CLDN14: variants seen among roughly 807,000 people sequenced by gnomAD.
The protein encoded by CLDN14 is claudin 14.
Under a neutral mutation model 2.1 loss-of-function variants are expected in CLDN14, and 2 were observed. The observed-to-expected ratio is 0.96, with a 90% CI of 0.39 to 3.01. The LOEUF (loss-of-function observed/expected upper bound fraction) is 3.01, where lower values mean the gene tolerates loss of function less well. Ranked by LOEUF, CLDN14 falls within the 30% of genes most tolerant of loss-of-function variation. CLDN14 has a pLI of 0.09. For synonymous variants in CLDN14, 136 were observed against 154.4 expected, an observed-to-expected ratio of 0.88 and a Z score of 0.88; for missense variants, 298 against 328.0, an observed-to-expected ratio of 0.91 and a Z score of 0.71.
At chr21:36,567,004 A>C (rs984492152) in intron 1 of CLDN14, among the ~76,000 whole-genome samples, 3 of 152,210 alleles carry the variant, frequency 2.0e-5, no homozygotes, top group African/African-American at 7.2e-5. Flanking sequence ...GGAAAAGGCA[A>C]ACATGAAAGA....
rs1015266118 is a variant in CLDN14 at position 36,568,167 on chromosome 21, C to T, written c.-220+8244G>A. On this transcript the variant is annotated intron_variant, in intron 1 of 2. Coordinates refer to the CLDN14 transcript ENST00000342108. ...TTGACCAGGCAGAAACTTGGTTTAC[C>T]GAGGAATTGCAGGTCACCTGGGCTG... Among the ~76,000 whole-genome samples the T allele has an allele frequency of 2.6e-5, 4 of 152,028 alleles. No individual in the cohort carries two copies. The South Asian group carries it at 6.2e-4, about 24-fold the overall frequency.
At position 36,487,660 on chromosome 21, in the gene CLDN14, G is replaced by C. The variant is rs779253331; in HGVS notation, c.-82+22703C>G. ...TAGGTACACCTTAGTTCATGTTGCA[G>C]CTTCTTTGGTGCTGTCAGATCATAG... is the stretch of plus-strand genomic sequence containing the variant. On this transcript the variant is annotated intron_variant, in intron 2 of 2. Coordinates refer to the CLDN14 transcript ENST00000342108. The C allele has an allele frequency of 2.0e-5, 3 of 152,198 alleles. No homozygotes were observed. In the East Asian group the frequency reaches 5.8e-4, roughly 29 times the overall value. 9.4% of individuals were successfully genotyped at this position (152,198 alleles called of 1,614,324 possible). A position where few individuals can be genotyped will look rare whatever the true frequency, so the allele number is the denominator to read the frequency against.
chr21:36,572,952 C>T (rs370937544), intron 1 of CLDN14, among the ~76,000 whole-genome samples: 2 of 152,182 alleles, frequency 1.3e-5, no homozygotes, highest in South Asian at 2.1e-4. Context: ...AAATGACAAT[C>T]GCAGGGTTAT....
upstream of CLDN14, among the ~76,000 whole-genome samples, chr21:36,484,134 G>A (rs751500902): frequency 1.4e-4 from 21 of 152,138 alleles, no homozygotes; most frequent in African/African-American, 2.2e-4. Flanking sequence ...CCTTGGGGCC[G>A]TTTTCAAAAA....
intron 1 of CLDN14, among the ~76,000 whole-genome samples, chr21:36,528,504 G>A (rs932345432): frequency 7.9e-5 from 12 of 152,172 alleles, no homozygotes; most frequent in African/African-American, 2.9e-4. Context: ...AGAGAAGTCA[G>A]CCCTGTTATT....
chr21:36,523,791 GAAAGAAAGAAAGAA>G (rs1568868902), intron 1 of CLDN14, among the ~76,000 whole-genome samples: 2 of 83,430 alleles, frequency 2.4e-5, no homozygotes, highest in South Asian at 4.1e-4. Flanking sequence ...GAGAAAGAAA[GAAAGAAAGAAAGAA>G]AGAAAGAAAG....
Position 36,544,202 on chromosome 21 carries a change from T to G in CLDN14, c.-220+32209A>C, listed in dbSNP as rs980911139. The stretch of plus-strand genomic sequence containing the variant: ...AGCTTGGCAGGATCACACTACACCT[T>G]GGGCAGGTCCTTGCCCTGGGCCCCC... On this transcript the variant is annotated intron_variant, in intron 1 of 2. Transcript: ENST00000342108. This position sits in a 1 kb window ranked among gnomAD's most constrained non-coding sequence, Gnocchi z 4.1. 6.6e-6 allele frequency among the ~76,000 whole-genome samples: 1 copy of G among 152,236 alleles called. No individual in the cohort carries two copies. The highest frequency in any genetic ancestry group is 2.4e-5 in the African/African-American group (1 of 41,474).
chr21:36,534,253 T>G (rs2087406590), intron 1 of CLDN14, among the ~76,000 whole-genome samples: 1 of 152,158 alleles, frequency 6.6e-6, no homozygotes, highest in Non-Finnish European at 1.5e-5. Context: ...AAAAAAATTT[T>G]TTCATGCTAT....
chr21:36,466,737 A>G (rs1252240657), intron 1 of CLDN14, among the ~76,000 whole-genome samples: 1 of 152,202 alleles, frequency 6.6e-6, no homozygotes, highest in Non-Finnish European at 1.5e-5. Flanking sequence ...CAGTCCCCCA[A>G]GGACTTAACT....
At chr21:36,525,390 G>GAAA (rs34572529) in intron 1 of CLDN14, among the ~76,000 whole-genome samples, 2 of 147,012 alleles carry the variant, frequency 1.4e-5, no homozygotes. Flanking sequence ...AAAGCTAAAT[G>GAAA]AAAAAAAAAA....
chr21:36,525,607 G>A lies in CLDN14; in HGVS notation c.-219-15107C>T, dbSNP rs536214549. ...AAGGAACTTTTGGAAACCTGGCAGA[G>A]GTGTGAATGGTGACTTCCAAGCTGG... On this transcript the variant is annotated intron_variant, in intron 1 of 2. Transcript: ENST00000342108. Among the ~76,000 whole-genome samples the A allele has an allele frequency of 8.8e-4, 134 of 152,246 alleles. 2 individuals are homozygous for A. In the South Asian group the frequency reaches 0.015, roughly 17 times the overall value.
intron 1 of CLDN14, among the ~76,000 whole-genome samples, chr21:36,550,398 T>G (rs956453764): frequency 1.5e-4 from 23 of 152,110 alleles, no homozygotes; most frequent in Non-Finnish European, 1.5e-5. Flanking sequence ...TTACCTTCAT[T>G]GGTGTGGAAA....
rs770230869 is a variant in CLDN14 at position 36,486,557 on chromosome 21, G to A, written c.-82+23806C>T. ...AGCCAAAATCGGAGAACTGATGAGA[G>A]CATCAGCCAAGCTGGGCCCAGGAGG... On this transcript the variant is annotated intron_variant, in intron 2 of 2. Coordinates refer to the CLDN14 transcript ENST00000342108. 76 of 1,555,042 alleles carry A rather than the reference G, an allele frequency of 4.9e-5. No individual in the cohort carries two copies. In the South Asian group the frequency reaches 8.2e-4, roughly 17 times the overall value.
chr21:36,559,392 T>C (rs2087619461), intron 1 of CLDN14, among the ~76,000 whole-genome samples: 1 of 152,198 alleles, frequency 6.6e-6, no homozygotes, highest in Non-Finnish European at 1.5e-5. Flanking sequence ...AGACGGGGTT[T>C]CGCCATGTTG....
Position 36,461,507 on chromosome 21 carries a change from CT to C in CLDN14, c.188del (p.Gln63ArgfsTer31). On this transcript the variant is annotated frameshift_variant, in exon 2 of 2. Coordinates refer to ENST00000399135, the MANE Select transcript of CLDN14 (RefSeq NM_001146079.2). LOFTEE classifies it low-confidence loss of function (END_TRUNC). Reference sequence around the variant, plus strand: ...CCAGCAGGGATCGGTAGATCTGGCACTGGTAGATGCCTGTGCTGTGCCACAC... The same window carrying C: ...CCAGCAGGGATCGGTAGATCTGGCACGGTAGATGCCTGTGCTGTGCCACAC... ...ECVWHSTGIY[Q>X]CQIYRSLLAL... The C allele has an allele frequency of 6.2e-7, 1 of 1,613,430 alleles. No homozygotes were observed. The highest frequency in any genetic ancestry group is 8.5e-7 in the Non-Finnish European group (1 of 1,179,996).
intron 2 of CLDN14, among the ~76,000 whole-genome samples, chr21:36,487,983 C>T (rs1227412612): frequency 6.6e-6 from 1 of 152,164 alleles, no homozygotes; most frequent in Non-Finnish European, 1.5e-5. Context: ...GAAGTAGAGA[C>T]TCAAACAGGT....
At chr21:36,486,296 C>T in intron 2 of CLDN14, 1 of 801,856 alleles carries the variant, frequency 1.2e-6, no homozygotes, top group African/African-American at 1.7e-5. Flanking sequence ...TATGGCCAAA[C>T]TCTTGTTGGC....
At chr21:36,534,650 G>T (rs1445051647) in intron 1 of CLDN14, among the ~76,000 whole-genome samples, 1 of 152,106 alleles carries the variant, frequency 6.6e-6, no homozygotes, top group East Asian at 1.9e-4. Flanking sequence ...GCGCACACCT[G>T]GCCTTATGTG....
intron 1 of CLDN14, among the ~76,000 whole-genome samples, chr21:36,523,781 G>GAGAGAGAGAA (rs1568868851): frequency 2.6e-5 from 1 of 38,344 alleles, no homozygotes; most frequent in African/African-American, 7.3e-5. Flanking sequence ...GAGAGAAAGA[G>GAGAGAGAGAA]AGAAAGAAAG....
Sources: allele counts gnomAD v4.1 joint callset (sites outside exome capture counted in the v4.1 genomes callset), GRCh38; gene constraint gnomAD v4.1.1; non-coding constraint Gnocchi (gnomAD v3.1); transcripts MANE v1.5; gene names NCBI Gene and HGNC (gene_info 2026-07-23, HGNC 2026-07-21).